SCP2: variants seen among roughly 807,000 people sequenced by gnomAD.
The protein encoded by SCP2 is SCP-2/3-oxoacyl-CoA thiolase.
Under a neutral mutation model 71.4 loss-of-function variants are expected in SCP2, and 48 were observed. That is an observed-to-expected ratio of 0.67 (90% CI 0.53 to 0.86). The LOEUF is 0.86. SCP2 is among the 40% of genes least tolerant of loss of function. The pLI, the probability that SCP2 is intolerant of heterozygous loss-of-function variation, is 0.00. For missense variants in SCP2, 560 were observed against 655.6 expected (o/e 0.85, Z 1.59); for synonymous variants, 220 against 218.1 (o/e 1.01, Z -0.08).
chr1:53,037,631 G>A (rs879627375), intron 13 of SCP2, among the ~76,000 whole-genome samples: 19 of 151,864 alleles, frequency 1.3e-4, no homozygotes, highest in African/African-American at 3.9e-4. Context: ...AGCAAGTGGT[G>A]GATGGTATAT....
chr1:52,994,964 CT>C, intron 11 of SCP2: 1 of 514,978 alleles, frequency 1.9e-6, no homozygotes, highest in Non-Finnish European at 3.9e-6. Flanking sequence ...AGCTCAGGCC[CT>C]TTTGGCCAGG....
intron 13 of SCP2, among the ~76,000 whole-genome samples, chr1:53,037,913 C>CAGATCCAGATCCTGTCTCTCT (rs1557627641): frequency 7.9e-6 from 1 of 126,270 alleles, no homozygotes; most frequent in African/African-American, 3.2e-5. Flanking sequence ...CACACACACA[C>CAGATCCAGATCCTGTCTCTCT]ACACACACAC....
intron 2 of SCP2, among the ~76,000 whole-genome samples, chr1:52,945,744 A>AATATATATATATATATAT (rs147167752): frequency 6.4e-4 from 93 of 145,762 alleles, no homozygotes; most frequent in African/African-American, 2.3e-3. Context: ...AGTTGTGCAT[A>AATATATATATATATATAT]ATATATATAT....
intron 4 of SCP2, among the ~76,000 whole-genome samples, chr1:52,953,479 G>T (rs1037533712): frequency 6.6e-6 from 1 of 151,798 alleles, no homozygotes; most frequent in African/African-American, 2.4e-5. Context: ...ATTAATAATT[G>T]GGATCATAGG....
intron 6 of SCP2, among the ~76,000 whole-genome samples, chr1:52,974,212 G>A (rs183294092): frequency 1.8e-3 from 275 of 151,822 alleles, no homozygotes; most frequent in Non-Finnish European, 2.9e-3. Context: ...TTTTTTTTGC[G>A]TGTTTTACCT....
intron 11 of SCP2, among the ~76,000 whole-genome samples, chr1:52,988,641 T>A (rs1160689194): frequency 1.3e-5 from 2 of 151,958 alleles, no homozygotes; most frequent in Non-Finnish European, 2.9e-5. Flanking sequence ...AAATAAAAAA[T>A]TAAGCCCAAA....
intron 1 of SCP2, among the ~76,000 whole-genome samples, chr1:52,934,271 AT>A (rs1416644931): frequency 6.6e-6 from 1 of 152,194 alleles, no homozygotes; most frequent in African/African-American, 2.4e-5. Flanking sequence ...GAAAATTAGA[AT>A]TTTAGAAAAC....
At chr1:52,954,981 T>G (rs1655668661) in intron 5 of SCP2, among the ~76,000 whole-genome samples, 177 bp downstream of exon 5, 1 of 152,232 alleles carries the variant, frequency 6.6e-6, no homozygotes, top group South Asian at 2.1e-4. Flanking sequence ...GATATGAGAT[T>G]ATTGGAATTT....
chr1:52,985,747 G>A (rs1658931453), intron 10 of SCP2, among the ~76,000 whole-genome samples: 1 of 152,034 alleles, frequency 6.6e-6, no homozygotes, highest in Non-Finnish European at 1.5e-5. Context: ...CCTTCTTCAA[G>A]CACTGGAAGC....
chr1:52,960,550 A>C (rs1223923979), intron 5 of SCP2, among the ~76,000 whole-genome samples: 1 of 136,822 alleles, frequency 7.3e-6, no homozygotes, highest in Non-Finnish European at 1.6e-5. Context: ...ATGTATATAC[A>C]TGTGTATATA....
intron 5 of SCP2, among the ~76,000 whole-genome samples, chr1:52,956,159 C>A (rs887104622): frequency 3.3e-5 from 5 of 152,180 alleles, no homozygotes; most frequent in Admixed American, 6.5e-5. Flanking sequence ...AAAAAATTAG[C>A]CGGGTGTGGT....
At chr1:52,946,877 C>A (rs978215074) in intron 2 of SCP2, among the ~76,000 whole-genome samples, 1 of 150,996 alleles carries the variant, frequency 6.6e-6, no homozygotes, top group Non-Finnish European at 1.5e-5. Context: ...GCCAACATGG[C>A]GAAATCCCCT....
At chr1:52,928,445 T>A (rs1365168585) in intron 1 of SCP2, among the ~76,000 whole-genome samples, 1 of 152,200 alleles carries the variant, frequency 6.6e-6, no homozygotes, top group Non-Finnish European at 1.5e-5. Context: ...CCCTAAAATG[T>A]TTATTATTTT....
chr1:53,002,023 A>G lies in SCP2; in HGVS notation c.1082-12867A>G, dbSNP rs143381763. ...CATGGTGAAACCCCGTCTCTACTAA[A>G]AATTCAAAAAATTAGCTGGGTGTGG... On this transcript the variant is annotated intron_variant, in intron 11 of 15. Coordinates refer to ENST00000371514, the MANE Select transcript of SCP2 (RefSeq NM_002979.5). 6.2e-3 allele frequency among the ~76,000 whole-genome samples: 945 copies of G among 152,176 alleles called. 15 individuals are homozygous for G. Among genetic ancestry groups the G allele is most frequent in the African/African-American group, 0.022 (908 of 41,534 alleles).
chr1:52,993,954 T>G (rs1659739694), intron 11 of SCP2: 1 of 1,329,434 alleles, frequency 7.5e-7, no homozygotes, highest in Non-Finnish European at 9.7e-7. Context: ...AATTGCAGTT[T>G]TAATAGAAAT....
intron 4 of SCP2, among the ~76,000 whole-genome samples, chr1:52,953,852 C>G (rs1430180215): frequency 6.9e-6 from 1 of 144,600 alleles, no homozygotes; most frequent in Non-Finnish European, 1.5e-5. Context: ...AGCAAGAAAA[C>G]TGGTCATGGT....
intron 10 of SCP2, among the ~76,000 whole-genome samples, chr1:52,985,043 A>T (rs190703398): frequency 2.6e-5 from 4 of 151,232 alleles, no homozygotes; most frequent in Non-Finnish European, 5.9e-5. Flanking sequence ...GGATTTCACC[A>T]TGTTGGTCAG....
At chr1:53,037,889 C>T (rs1200163232) in intron 13 of SCP2, among the ~76,000 whole-genome samples, 1 of 95,612 alleles carries the variant, frequency 1.0e-5, no homozygotes, top group Non-Finnish European at 1.8e-5. Context: ...TACACACACA[C>T]ACACACACAC....
intron 14 of SCP2, 30 bp from the exon 15 acceptor site, chr1:53,047,828 C>G (rs995691540): frequency 6.7e-7 from 1 of 1,491,452 alleles, no homozygotes. Flanking sequence ...ACCTCCTATT[C>G]TCCTTCCTTC....
Sources: allele counts gnomAD v4.1 joint callset (sites outside exome capture counted in the v4.1 genomes callset), GRCh38; gene constraint gnomAD v4.1.1; transcripts MANE v1.5; gene names NCBI Gene and HGNC (gene_info 2026-07-23, HGNC 2026-07-21).